Variants in TMEM67 observed in about 807,000 individuals in gnomAD.
TMEM67 encodes the protein meckelin.
Under a neutral mutation model 136.6 loss-of-function variants are expected in TMEM67, and 124 were observed. That is an observed-to-expected ratio of 0.91 (90% CI 0.78 to 1.05). The LOEUF (loss-of-function observed/expected upper bound fraction) is 1.05. Among genes scored for constraint, TMEM67 ranks in the 50% least tolerant of loss-of-function variants. The probability of loss-of-function intolerance (pLI) is 0.00; values close to 1 mark genes in which losing one functional copy is unlikely to be tolerated. For synonymous variants in TMEM67, 364 were observed against 390.5 expected (o/e 0.93, Z 0.80); for missense variants, 1,107 against 1,178.4 (o/e 0.94, Z 0.89).
chr8:93,793,357 A>G, intron 16 of TMEM67, 61 bp downstream of exon 16: 1 of 1,346,610 alleles, frequency 7.4e-7, no homozygotes, highest in South Asian at 1.2e-5. Flanking sequence ...GATCCTTCTC[A>G]TAAGACACAG....
the TMEM67 span, among the ~76,000 whole-genome samples, chr8:93,827,387 A>G: frequency 2.0e-5 from 3 of 151,674 alleles, no homozygotes; most frequent in African/African-American, 7.3e-5. Context: ...ATTTTATTTT[A>G]TTTTCTAAAA....
intron 23 of TMEM67, among the ~76,000 whole-genome samples, chr8:93,805,650 T>C (rs1031313327): frequency 6.6e-6 from 1 of 151,882 alleles, no homozygotes; most frequent in African/African-American, 2.4e-5. Context: ...GGAAAGAATC[T>C]AATTTTAATT....
chr8:93,796,523 C>T (rs931102176), intron 18 of TMEM67, among the ~76,000 whole-genome samples: 1 of 152,158 alleles, frequency 6.6e-6, no homozygotes, highest in African/African-American at 2.4e-5. Context: ...TTTCCACTGA[C>T]TGGGAGCTTC....
chr8:93,806,925 A>G (rs1815176307), intron 23 of TMEM67, among the ~76,000 whole-genome samples: 1 of 152,124 alleles, frequency 6.6e-6, no homozygotes, highest in South Asian at 2.1e-4. Flanking sequence ...AGAGTAAAAT[A>G]CTTTTAACAA....
the TMEM67 span, among the ~76,000 whole-genome samples, chr8:93,827,481 A>G: frequency 6.6e-6 from 1 of 152,044 alleles, no homozygotes; most frequent in Non-Finnish European, 1.5e-5. Flanking sequence ...TACCAGGCTC[A>G]GCCTGGGAGG....
Position 93,816,631 on chromosome 8 carries a change from T to C in TMEM67, c.*179T>C, listed in dbSNP as rs886063174. The C allele has an allele frequency of 6.5e-6, 3 of 464,990 alleles. No homozygotes were observed. The highest frequency in any genetic ancestry group is 1.2e-5 in the Non-Finnish European group (3 of 255,248). The allele number at this position is 464,990 out of a possible 1,614,324, so 28.8% of individuals were successfully genotyped here. ...ATATATAACCTGATATAATAGAAAA[T>C]ACTGTTTTCCCATTGTGTGTAGTAT... On this transcript the variant is annotated 3_prime_UTR_variant, in exon 28 of 28. Coordinates refer to ENST00000453321, the MANE Select transcript of TMEM67 (RefSeq NM_153704.6).
chr8:93,805,117 C>A (rs1186926967), intron 23 of TMEM67, among the ~76,000 whole-genome samples: 1 of 152,064 alleles, frequency 6.6e-6, no homozygotes, highest in Non-Finnish European at 1.5e-5. Context: ...GGACTGCAGG[C>A]GCCTGCCACT....
chr8:93,828,720 G>A, the TMEM67 span, among the ~76,000 whole-genome samples: 3 of 150,688 alleles, frequency 2.0e-5, no homozygotes, highest in African/African-American at 7.4e-5. Flanking sequence ...ATTCCAGCCT[G>A]GGTGACAGAG....
At chr8:93,805,660 T>G (rs1201871455) in intron 23 of TMEM67, among the ~76,000 whole-genome samples, 1 of 152,272 alleles carries the variant, frequency 6.6e-6, no homozygotes, top group East Asian at 1.9e-4. Flanking sequence ...TAATTTTAAT[T>G]TTATCCTGTA....
At chr8:93,815,513 A>T in intron 27 of TMEM67, 66 bp downstream of exon 27, 1 of 1,428,146 alleles carries the variant, frequency 7.0e-7, no homozygotes, top group Non-Finnish European at 9.8e-7. Flanking sequence ...AGAAGTAGAT[A>T]TTTTCATAGC....
intron 6 of TMEM67, among the ~76,000 whole-genome samples, chr8:93,769,987 A>G (rs1030293761): frequency 2.0e-5 from 3 of 152,238 alleles, no homozygotes; most frequent in Non-Finnish European, 4.4e-5. Context: ...CTCTTGGAAT[A>G]TACTTGCCAA....
Position 93,776,002 on chromosome 8 carries a change from A to G in TMEM67, c.714+3351A>G, listed in dbSNP as rs138776223. 8.1e-4 allele frequency among the ~76,000 whole-genome samples: 123 copies of G among 152,204 alleles called. 1 individual carries two copies. In the Middle Eastern group the frequency reaches 0.01, roughly 13 times the overall value. On this transcript the variant is annotated intron_variant, in intron 7 of 27. Transcript: ENST00000453321. The stretch of plus-strand genomic sequence containing the variant: ...ATCCATGAGCATGGAGTGTACTTCC[A>G]TTTGTTTGTGTCCTCCTTTATTTCA...
rs995505639 is a variant in TMEM67, at chr8:93,817,032, A to C, written c.*580A>C. 1 of 152,412 alleles carries C rather than the reference A, an allele frequency of 6.6e-6. No individual in the cohort carries two copies. Among genetic ancestry groups the C allele is most frequent in the African/African-American group, 2.4e-5 (1 of 41,460 alleles). 9.4% of individuals were successfully genotyped at this position (152,412 alleles called of 1,614,324 possible). On this transcript the variant is annotated 3_prime_UTR_variant, in exon 28 of 28. Coordinates refer to ENST00000453321, the MANE Select transcript of TMEM67 (RefSeq NM_153704.6). ...GGGTTAATATGCATCTCATGAAATG[A>C]TATCTTTTCATTCCTTTGTATACCT... is the stretch of plus-strand genomic sequence containing the variant.
intron 7 of TMEM67, among the ~76,000 whole-genome samples, chr8:93,773,979 G>A (rs944450874): frequency 6.6e-6 from 1 of 151,798 alleles, no homozygotes; most frequent in Non-Finnish European, 1.5e-5. Flanking sequence ...GTTTTAACAA[G>A]CAAAAGAATA....
chr8:93,782,631 T>C (rs1219051945), intron 11 of TMEM67, among the ~76,000 whole-genome samples, 171 bp downstream of exon 11: 1 of 149,862 alleles, frequency 6.7e-6, no homozygotes, highest in East Asian at 2.0e-4. Context: ...TGGAGTGCAG[T>C]GGTGCAATCT....
chr8:93,756,014 G>T (rs1354969526), intron 2 of TMEM67, 148 bp downstream of exon 2: 1 of 499,572 alleles, frequency 2.0e-6, no homozygotes, highest in Non-Finnish European at 3.5e-6. Flanking sequence ...GTAAGTTTTG[G>T]GAGATCAGCG....
intron 7 of TMEM67, among the ~76,000 whole-genome samples, chr8:93,774,240 C>T (rs1217772530): frequency 1.3e-5 from 2 of 152,310 alleles, no homozygotes; most frequent in East Asian, 1.9e-4. Flanking sequence ...CTCTCAAACT[C>T]CTGACCTCAA....
At chr8:93,831,146 C>T in the TMEM67 span, among the ~76,000 whole-genome samples, 3 of 152,200 alleles carry the variant, frequency 2.0e-5, no homozygotes, top group South Asian at 6.2e-4. Context: ...AAATCATTTC[C>T]AGTTTTAAAA....
chr8:93,795,196 A>G (rs1814551764), intron 16 of TMEM67: 1 of 600,008 alleles, frequency 1.7e-6, no homozygotes, highest in South Asian at 2.0e-5. Context: ...AGTTGAAAGA[A>G]GAGGCTACCA....
Sources: gnomAD v4.1 joint callset for allele counts (sites outside exome capture counted in the v4.1 genomes callset) on GRCh38, gnomAD v4.1.1 for gene constraint, MANE v1.5 for transcripts, NCBI Gene and HGNC (gene_info 2026-07-23, HGNC 2026-07-21) for gene names.